STAU1: variants seen among roughly 807,000 people sequenced by gnomAD.
STAU1 encodes double-stranded RNA-binding protein Staufen homolog 1.
A neutral mutation model predicts 62.9 loss-of-function variants in STAU1; 13 were observed. The ratio of observed to expected loss-of-function variants is 0.21; its 90% CI spans 0.13 to 0.33. The LOEUF (loss-of-function observed/expected upper bound fraction) is 0.33, where lower values mean the gene tolerates loss of function less well. Among genes scored for constraint, STAU1 ranks in the 10% least tolerant of loss-of-function variants. The pLI, the probability that STAU1 is intolerant of heterozygous loss-of-function variation, is 1.00. For synonymous variants in STAU1, 269 were observed against 265.1 expected, an observed-to-expected ratio of 1.01 and a Z score of -0.14; for missense variants, 571 against 712.1, an observed-to-expected ratio of 0.80 and a Z score of 2.25.
In STAU1 at chr20:49,120,244, G is replaced by A. The variant is rs1346731115; in HGVS notation, c.967-116C>T. ...TGGTCAGAAGCAAGATAACAGCAGT[G>A]CCCCGAACCTGGCCTCCTTGTCTCT... On this transcript the variant is annotated intron_variant, in intron 8 of 13. Transcript: ENST00000371856. The A allele has an allele frequency of 4.9e-6, 6 of 1,215,542 alleles. No homozygotes were observed. The East Asian group carries it at 1.5e-4, about 31-fold the overall frequency. The allele number at this position is 1,215,542 out of a possible 1,614,324, so 75.3% of individuals were successfully genotyped here.
At chr20:49,170,051 G>C (rs1448967235) in intron 2 of STAU1, among the ~76,000 whole-genome samples, 1 of 152,200 alleles carries the variant, frequency 6.6e-6, no homozygotes, top group Non-Finnish European at 1.5e-5. Flanking sequence ...TGGTGAAGGA[G>C]AATCTGGGCA....
At chr20:49,196,559 G>C in the STAU1 span, among the ~76,000 whole-genome samples, 1 of 152,078 alleles carries the variant, frequency 6.6e-6, no homozygotes, top group Non-Finnish European at 1.5e-5. Context: ...GGCCGAGGCC[G>C]GCAGATCTCC....
chr20:49,151,483 T>C, intron 5 of STAU1, 99 bp downstream of exon 5: 1 of 1,245,692 alleles, frequency 8.0e-7, no homozygotes, highest in Admixed American at 3.2e-5. Flanking sequence ...TATGGACAGC[T>C]GTCAATGTGC....
intron 1 of STAU1, among the ~76,000 whole-genome samples, chr20:49,181,525 G>A (rs764028446): frequency 4.6e-5 from 7 of 152,190 alleles, no homozygotes; most frequent in Middle Eastern, 3.4e-3. Context: ...ATCACTTTGC[G>A]AGGCTAAGGC....
intron 3 of STAU1, among the ~76,000 whole-genome samples, chr20:49,155,006 A>T (rs1398187656): frequency 6.6e-6 from 1 of 152,188 alleles, no homozygotes; most frequent in African/African-American, 2.4e-5. Flanking sequence ...GAATCGCCTG[A>T]ACCCAGGAAG....
chr20:49,182,864 G>A (rs1024409714), intron 1 of STAU1, among the ~76,000 whole-genome samples: 48 of 151,328 alleles, frequency 3.2e-4, no homozygotes, highest in African/African-American at 1.0e-3. Flanking sequence ...AATAGTAGAC[G>A]GTGTTCAGCA....
intron 3 of STAU1, among the ~76,000 whole-genome samples, chr20:49,164,539 C>T (rs1246781455): frequency 1.3e-5 from 2 of 151,778 alleles, no homozygotes; most frequent in African/African-American, 2.4e-5. Context: ...AATCTCCCCA[C>T]TCGGCCTCCC....
chr20:49,197,650 C>T, the STAU1 span, among the ~76,000 whole-genome samples: 1 of 152,084 alleles, frequency 6.6e-6, no homozygotes, highest in Non-Finnish European at 1.5e-5. Flanking sequence ...GATCCAACCT[C>T]CTCGGCCTCC....
In STAU1 at chr20:49,146,381, A is replaced by G. The variant is rs377281397; in HGVS notation, c.510+5201T>C. 9.8e-5 allele frequency among the ~76,000 whole-genome samples: 15 copies of G among 152,300 alleles called. 1 individual carries two copies. Among genetic ancestry groups the G allele is most frequent in the South Asian group, 8.3e-4 (4 of 4,824 alleles). ...AAACCAGAAAGAGCTGCATTTATTCATTTTTACAAAAGTATAAAAAAGTAT... is the reference window on the plus strand; with the variant it reads ...AAACCAGAAAGAGCTGCATTTATTCGTTTTTACAAAAGTATAAAAAAGTAT... On this transcript the variant is annotated intron_variant, in intron 5 of 13. Coordinates refer to ENST00000371856, the MANE Select transcript of STAU1 (RefSeq NM_017453.4).
In STAU1 at chr20:49,162,533, G is replaced by A. The variant is rs578058913; in HGVS notation, c.205+3464C>T. ...CTCACGCCTGTAATCCCAACACTTT[G>A]GGAGGCCGAGGCAGGCGGATCACGA... On this transcript the variant is annotated intron_variant, in intron 3 of 13. Coordinates refer to ENST00000371856, the MANE Select transcript of STAU1 (RefSeq NM_017453.4). Among the ~76,000 whole-genome samples the A allele has an allele frequency of 1.1e-4, 17 of 151,678 alleles. No homozygotes were observed. The South Asian group carries it at 3.4e-3, about 30-fold the overall frequency.
chr20:49,122,948 A>G (rs2092500551), intron 8 of STAU1, 144 bp downstream of exon 8: 1 of 659,236 alleles, frequency 1.5e-6, no homozygotes, highest in Non-Finnish European at 2.1e-6. Flanking sequence ...TAAATAAATA[A>G]ATAAATAAGG....
intron 5 of STAU1, among the ~76,000 whole-genome samples, chr20:49,140,895 T>C (rs2092991780): frequency 6.6e-6 from 1 of 151,860 alleles, no homozygotes; most frequent in Non-Finnish European, 1.5e-5. Flanking sequence ...TAACCCCAGA[T>C]TAACTCATTT....
chr20:49,203,774 C>T, the STAU1 span, among the ~76,000 whole-genome samples: 29 of 152,346 alleles, frequency 1.9e-4, no homozygotes, highest in Non-Finnish European at 1.9e-4. Context: ...GCAACCTCCA[C>T]CTCCCTGGTT....
At chr20:49,150,690 CTA>C (rs2093230393) in intron 5 of STAU1, among the ~76,000 whole-genome samples, 2 of 151,952 alleles carry the variant, frequency 1.3e-5, no homozygotes, top group Admixed American at 1.3e-4. Flanking sequence ...AAGTGACATT[CTA>C]TATCTCCTTC....
At chr20:49,171,208 T>A (rs2093592496) in intron 2 of STAU1, among the ~76,000 whole-genome samples, 1 of 152,244 alleles carries the variant, frequency 6.6e-6, no homozygotes, top group South Asian at 2.1e-4. Flanking sequence ...CATCAAGGAA[T>A]AAACCACTTT....
intron 5 of STAU1, among the ~76,000 whole-genome samples, chr20:49,136,440 GT>G (rs1357983124): frequency 6.6e-6 from 1 of 152,208 alleles, no homozygotes; most frequent in African/African-American, 2.4e-5. Context: ...GTCCTGTCAA[GT>G]TTGAGTCAAA....
At chr20:49,149,381 C>T (rs1024054291) in intron 5 of STAU1, among the ~76,000 whole-genome samples, 21 of 132,590 alleles carry the variant, frequency 1.6e-4, no homozygotes, top group South Asian at 5.0e-4. Flanking sequence ...AAGCCAGATT[C>T]CTGGGTCTCA....
At chr20:49,149,367 G>C (rs1321496697) in intron 5 of STAU1, among the ~76,000 whole-genome samples, 1 of 138,274 alleles carries the variant, frequency 7.2e-6, no homozygotes, top group African/African-American at 2.5e-5. Flanking sequence ...TACAACAAAA[G>C]CAAAAGCCAG....
At chr20:49,147,918 A>G (rs2093163016) in intron 5 of STAU1, among the ~76,000 whole-genome samples, 1 of 152,210 alleles carries the variant, frequency 6.6e-6, no homozygotes, top group African/African-American at 2.4e-5. Flanking sequence ...ATTTACTTGT[A>G]TATGTGCTTG....
Sources: allele counts gnomAD v4.1 joint callset (sites outside exome capture counted in the v4.1 genomes callset), GRCh38; gene constraint gnomAD v4.1.1; transcripts MANE v1.5; gene names NCBI Gene and HGNC (gene_info 2026-07-23, HGNC 2026-07-21).